The following TRIM5 variants were observed in gnomAD, a reference collection of about 807,000 sequenced individuals.
The protein encoded by TRIM5 is tripartite motif-containing protein 5.
In TRIM5, 31 loss-of-function variants were observed where a neutral mutation model predicts 35.6. The ratio of observed to expected loss-of-function variants is 0.87; its 90% confidence interval spans 0.65 to 1.18. The LOEUF (loss-of-function observed/expected upper bound fraction) is 1.18, where lower values mean the gene tolerates loss of function less well. Among genes scored for constraint, TRIM5 ranks in the 50% most tolerant of loss-of-function variants. The pLI is 0.00. For missense variants in TRIM5, 609 were observed against 591.6 expected (o/e 1.03, Z -0.31); for synonymous variants, 243 against 215.6 (o/e 1.13, Z -1.11).
downstream of TRIM5, among the ~76,000 whole-genome samples, chr11:5,658,321 T>C (rs1850699674): frequency 6.6e-6 from 1 of 152,170 alleles, no homozygotes; most frequent in African/African-American, 2.4e-5. Context: ...TCCAGGGAAA[T>C]CCACCTTCCT....
chr11:5,611,905 A>G, the TRIM5 span: 1 of 152,244 alleles, frequency 6.6e-6, no homozygotes, highest in African/African-American at 2.4e-5. Flanking sequence ...TTTTTGATTG[A>G]TGCAGGGGAT....
the TRIM5 span, among the ~76,000 whole-genome samples, chr11:5,637,458 G>A: frequency 1.3e-5 from 2 of 152,200 alleles, no homozygotes; most frequent in African/African-American, 4.8e-5. Flanking sequence ...TTATAAAGGA[G>A]ATACTTTGAT....
At chr11:5,638,726 T>C in the TRIM5 span, among the ~76,000 whole-genome samples, 2 of 152,378 alleles carry the variant, frequency 1.3e-5, no homozygotes, top group African/African-American at 2.4e-5. Context: ...TATTCTTAGT[T>C]ACTGGTGCCG....
chr11:5,652,858 T>C, the TRIM5 span, among the ~76,000 whole-genome samples: 60,325 of 142,138 alleles, frequency 0.42, 13,103 homozygotes, highest in Non-Finnish European at 0.49. Flanking sequence ...TTTTCTTTTT[T>C]TTTTTTTTTT....
chr11:5,607,166 T>C, the TRIM5 span, among the ~76,000 whole-genome samples: 1 of 151,974 alleles, frequency 6.6e-6, no homozygotes, highest in Non-Finnish European at 1.5e-5. Flanking sequence ...ATCGCACCAC[T>C]GCACTCCAGC....
chr11:5,595,189 AC>A, the TRIM5 span: 1 of 151,600 alleles, frequency 6.6e-6, no homozygotes, highest in Admixed American at 6.6e-5. Flanking sequence ...CTCTCTCTAT[AC>A]CTCCCTCCCC....
At chr11:5,681,829 T>TTCCAGCCTTTGTATAA (rs1554938090) in intron 1 of TRIM5, among the ~76,000 whole-genome samples, 2 of 152,006 alleles carry the variant, frequency 1.3e-5, no homozygotes, top group African/African-American at 4.8e-5. Context: ...GACGGAGTCT[T>TTCCAGCCTTTGTATAA]GCTCTGTCGC....
At chr11:5,615,998 T>G in the TRIM5 span, among the ~76,000 whole-genome samples, 1 of 148,762 alleles carries the variant, frequency 6.7e-6, no homozygotes, top group Admixed American at 6.9e-5. Flanking sequence ...CATGGCGCAG[T>G]TGAGTGACGT....
At chr11:5,638,298 G>A in the TRIM5 span, among the ~76,000 whole-genome samples, 189 of 152,300 alleles carry the variant, frequency 1.2e-3, 2 homozygotes, top group African/African-American at 4.1e-3. Flanking sequence ...GGGAAGAAAT[G>A]AGAATTAATA....
chr11:5,635,236 T>C, the TRIM5 span, among the ~76,000 whole-genome samples: 3 of 151,320 alleles, frequency 2.0e-5, no homozygotes, highest in Non-Finnish European at 4.4e-5. Context: ...TTATTTGTTA[T>C]GCAAATGTTC....
the TRIM5 span, among the ~76,000 whole-genome samples, chr11:5,649,111 T>C: frequency 6.6e-6 from 1 of 152,220 alleles, no homozygotes; most frequent in Non-Finnish European, 1.5e-5. Flanking sequence ...CTATTTTTAC[T>C]CAGTTTTCAC....
the TRIM5 span, chr11:5,610,870 G>A: frequency 6.2e-7 from 1 of 1,614,136 alleles, no homozygotes; most frequent in Admixed American, 1.7e-5. Flanking sequence ...AAAGTATCTG[G>A]ACCTTCCTGT....
At chr11:5,641,426 T>C in the TRIM5 span, 1 of 1,074,352 alleles carries the variant, frequency 9.3e-7, no homozygotes, top group Non-Finnish European at 1.2e-6. Context: ...CCAAAAAGGA[T>C]ATTAAGGATG....
At position 5,682,354 on chromosome 11, in the gene TRIM5, G is replaced by C. The variant is rs181914835; in HGVS notation, c.-61-2116C>G. On this transcript the variant is annotated intron_variant, in intron 1 of 7. Transcript: ENST00000380034. Reference sequence around the variant, plus strand: ...GTATCTCACCTAAGCTCTGCTTTTGGGGGGCAGATACGGCCCACGGAGAGG... The same window carrying C: ...GTATCTCACCTAAGCTCTGCTTTTGCGGGGCAGATACGGCCCACGGAGAGG... Among the ~76,000 whole-genome samples the C allele has an allele frequency of 1.1e-4, 17 of 152,150 alleles. No individual in the cohort carries two copies. The East Asian group carries it at 1.2e-3, about 10-fold the overall frequency.
At chr11:5,589,139 A>T in the TRIM5 span, 1 of 152,128 alleles carries the variant, frequency 6.6e-6, no homozygotes, top group African/African-American at 2.4e-5. Context: ...TTTCCTCAAA[A>T]ATCCAAGCTG....
At chr11:5,655,696 T>G in the TRIM5 span, 1 of 985,418 alleles carries the variant, frequency 1.0e-6, no homozygotes, top group Non-Finnish European at 1.2e-6. Flanking sequence ...TCATCTGGCA[T>G]ATGCAGTCAA....
the TRIM5 span, among the ~76,000 whole-genome samples, chr11:5,654,362 C>G: frequency 6.6e-6 from 1 of 152,142 alleles, no homozygotes; most frequent in African/African-American, 2.4e-5. Context: ...GGTACTGAGG[C>G]TTTGACTGGG....
chr11:5,664,918 C>T lies in TRIM5; in HGVS notation c.1373G>A (p.Gly458Glu), dbSNP rs759426076. Residue 458 changes from glycine (G) to glutamate (E), a missense_variant, in exon 8 of 8, where the codon GGA becomes GAA. Physicochemically the swap from Gly to Glu is moderately conservative, Grantham distance 98. Transcript: ENST00000380034. ...GTGAGAAAACTTATAGATGAGAAATCCATGGTTTGTGATATTGAAGAATGA... is the reference window on the plus strand; with the variant it reads ...GTGAGAAAACTTATAGATGAGAAATTCATGGTTTGTGATATTGAAGAATGA... ...TVSFFNITNHGFLIYKFSHCS... is the reference protein window; with the variant it reads ...TVSFFNITNHEFLIYKFSHCS... 9 of 1,613,876 alleles carry T rather than the reference C, an allele frequency of 5.6e-6. No individual in the cohort carries two copies. The highest frequency in any genetic ancestry group is 6.8e-6 in the Non-Finnish European group (8 of 1,179,974).
chr11:5,605,185 G>C, the TRIM5 span: 65 of 1,022,118 alleles, frequency 6.4e-5, no homozygotes, highest in Non-Finnish European at 8.7e-5. Context: ...GAAAGAACAG[G>C]CTACAAAGGC....
Sources: gnomAD v4.1 joint callset for allele counts (sites outside exome capture counted in the v4.1 genomes callset) on GRCh38, gnomAD v4.1.1 for gene constraint, MANE v1.5 for transcripts, NCBI Gene and HGNC (gene_info 2026-07-23, HGNC 2026-07-21) for gene names.